The following CBLB variants were observed in gnomAD, a reference collection of about 807,000 sequenced individuals.
The protein encoded by CBLB is E3 ubiquitin-protein ligase CBL-B.
CBLB carries 31 observed loss-of-function variants against 104.9 expected under a neutral mutation model. The observed-to-expected ratio is 0.30, with a 90% CI of 0.22 to 0.40. CBLB has a LOEUF of 0.40. Ranked by LOEUF, CBLB falls within the 10% of genes least tolerant of loss-of-function variation. The probability of loss-of-function intolerance (pLI) is 1.00; values close to 1 mark genes in which losing one functional copy is unlikely to be tolerated. For missense variants in CBLB, 1,062 were observed against 1,214.6 expected (o/e 0.87, Z 1.87); for synonymous variants, 440 against 422.6 (o/e 1.04, Z -0.51).
intron 17 of CBLB, chr3:105,670,589 T>G: frequency 2.1e-6 from 1 of 475,620 alleles, no homozygotes; most frequent in East Asian, 3.9e-5. Flanking sequence ...GTTTTATATT[T>G]ATATTTTGCA....
At chr3:105,678,410 T>C (rs1426818184) in intron 17 of CBLB, 21 bp downstream of exon 17, 1 of 1,613,142 alleles carries the variant, frequency 6.2e-7, no homozygotes, top group Non-Finnish European at 8.5e-7. Context: ...TGAATAGTTT[T>C]CTTTGGCTTT....
At chr3:105,805,849 T>C (rs1438401189) in intron 3 of CBLB, among the ~76,000 whole-genome samples, 1 of 151,900 alleles carries the variant, frequency 6.6e-6, no homozygotes, top group African/African-American at 2.4e-5. Flanking sequence ...TTTTATTACC[T>C]TGAATTATAT....
chr3:105,677,228 CAGA>C (rs1419915945), intron 17 of CBLB, among the ~76,000 whole-genome samples: 1 of 151,712 alleles, frequency 6.6e-6, no homozygotes, highest in Admixed American at 6.6e-5. Context: ...GATGTAAAAG[CAGA>C]AGATTATTCT....
intron 4 of CBLB, among the ~76,000 whole-genome samples, chr3:105,759,179 A>G (rs2077366949): frequency 6.6e-6 from 1 of 152,128 alleles, no homozygotes; most frequent in Non-Finnish European, 1.5e-5. Flanking sequence ...GGAGTCAAAG[A>G]GACTCAAATT....
intron 4 of CBLB, among the ~76,000 whole-genome samples, chr3:105,766,186 A>G (rs926981701): frequency 9.2e-5 from 14 of 152,216 alleles, no homozygotes; most frequent in Admixed American, 7.9e-4. Context: ...ATATGTGGCT[A>G]AATTGATGCA....
At chr3:105,844,291 G>A (rs1404553990) in intron 3 of CBLB, among the ~76,000 whole-genome samples, 10 of 152,166 alleles carry the variant, frequency 6.6e-5, no homozygotes, top group East Asian at 3.9e-4. Flanking sequence ...AATTTCTCTC[G>A]TTTAAGCCAC....
intron 10 of CBLB, among the ~76,000 whole-genome samples, chr3:105,717,315 C>T (rs1195283081): frequency 6.6e-6 from 1 of 152,202 alleles, no homozygotes; most frequent in African/African-American, 2.4e-5. Context: ...ACTTCAACTA[C>T]TTGAGCTGTT....
intron 9 of CBLB, among the ~76,000 whole-genome samples, chr3:105,733,798 T>C (rs2074601848): frequency 6.6e-6 from 1 of 152,202 alleles, no homozygotes; most frequent in Non-Finnish European, 1.5e-5. Flanking sequence ...GAACTACTGA[T>C]GACTAATATA....
intron 3 of CBLB, among the ~76,000 whole-genome samples, chr3:105,784,066 C>A (rs2080651393): frequency 6.6e-6 from 1 of 152,130 alleles, no homozygotes; most frequent in Admixed American, 6.5e-5. Flanking sequence ...TGAAAACCTA[C>A]TACAGTATAA....
intron 17 of CBLB, chr3:105,673,425 A>G (rs2065278208): frequency 6.6e-6 from 1 of 152,110 alleles, no homozygotes; most frequent in African/African-American, 2.4e-5. Context: ...CCAAATTTTT[A>G]CCAAGTGTAA....
chr3:105,673,402 A>G (rs2065276341), intron 17 of CBLB: 1 of 152,016 alleles, frequency 6.6e-6, no homozygotes, highest in African/African-American at 2.4e-5. Context: ...TTTCTTCACT[A>G]TCTGAAACAC....
At chr3:105,779,549 T>C (rs899219209) in intron 3 of CBLB, among the ~76,000 whole-genome samples, 1 of 152,096 alleles carries the variant, frequency 6.6e-6, no homozygotes, top group African/African-American at 2.4e-5. Context: ...TTTATACTTA[T>C]ACACTCACAC....
rs115371656 is a variant in CBLB at position 105,736,477 on chromosome 3, G to C, written c.1071+694C>G. Among the ~76,000 whole-genome samples the C allele has an allele frequency of 2.3e-3, 350 of 152,264 alleles. 2 individuals carry two copies. The highest frequency in any genetic ancestry group is 8.2e-3 in the African/African-American group (340 of 41,558). Reference sequence around the variant, plus strand: ...AGAAGTTCCCATGTGAGTATGTAGAGCTACCTCCCTCCTGTTCATGACTTC... The same window carrying C: ...AGAAGTTCCCATGTGAGTATGTAGACCTACCTCCCTCCTGTTCATGACTTC... On this transcript the variant is annotated intron_variant, in intron 8 of 18. Transcript: ENST00000394030.
intron 12 of CBLB, among the ~76,000 whole-genome samples, chr3:105,701,882 A>C (rs1234438467): frequency 6.6e-6 from 1 of 152,170 alleles, no homozygotes; most frequent in African/African-American, 2.4e-5. Flanking sequence ...TAGTGTCTTC[A>C]CATTAAAATT....
At chr3:105,808,223 T>C (rs1317798664) in intron 3 of CBLB, among the ~76,000 whole-genome samples, 2 of 152,216 alleles carry the variant, frequency 1.3e-5, no homozygotes, top group Non-Finnish European at 2.9e-5. Flanking sequence ...ATTTTTCATA[T>C]AAAATGATGT....
chr3:105,671,282 C>T (rs1301467305), intron 17 of CBLB: 4 of 209,100 alleles, frequency 1.9e-5, no homozygotes, highest in Admixed American at 5.9e-5. Flanking sequence ...CCTCAGGCAC[C>T]GCTGCTTTCC....
chr3:105,727,943 T>A (rs892865028), intron 9 of CBLB, among the ~76,000 whole-genome samples: 3 of 152,224 alleles, frequency 2.0e-5, no homozygotes, highest in African/African-American at 7.2e-5. Context: ...TTGGTTACTG[T>A]AGCCTTGCAG....
At chr3:105,675,855 A>T (rs1340781808) in intron 17 of CBLB, among the ~76,000 whole-genome samples, 1 of 137,450 alleles carries the variant, frequency 7.3e-6, no homozygotes, top group Non-Finnish European at 1.5e-5. Flanking sequence ...ACTGTACTCC[A>T]GCCTGGGCAA....
upstream of CBLB, chr3:105,869,237 T>C (rs1295199478): frequency 3.0e-6 from 2 of 667,598 alleles, no homozygotes; most frequent in Non-Finnish European, 5.0e-6. Context: ...CAGAAAGGAA[T>C]TGGACTCGGA....
Sources: allele counts gnomAD v4.1 joint callset (sites outside exome capture counted in the v4.1 genomes callset), GRCh38; gene constraint gnomAD v4.1.1; transcripts MANE v1.5; gene names NCBI Gene and HGNC (gene_info 2026-07-23, HGNC 2026-07-21).